SASH1: variants seen among roughly 807,000 people sequenced by gnomAD.
The protein encoded by SASH1 is SAM and SH3 domain-containing protein 1.
A neutral mutation model predicts 125.2 loss-of-function variants in SASH1; 44 were observed. That is an observed-to-expected ratio of 0.35 (90% CI 0.28 to 0.45). The LOEUF is 0.45. SASH1 is among the 20% of genes least tolerant of loss of function. The pLI is 1.00. For synonymous variants in SASH1, 639 were observed against 649.1 expected (o/e 0.98, Z 0.24); for missense variants, 1,426 against 1,614.5 (o/e 0.88, Z 2.00).
At chr6:148,323,088 C>T (rs570661324) in intron 1 of SASH1, among the ~76,000 whole-genome samples, 1 of 151,864 alleles carries the variant, frequency 6.6e-6, no homozygotes, top group African/African-American at 2.4e-5. Flanking sequence ...CAGCTCACTG[C>T]AACCTCTGCC....
chr6:148,532,684 G>A lies in SASH1; in HGVS notation c.1565-113G>A, dbSNP rs1781591919. ...GTCCTGACAGAGGGTTGTGGCTCAA[G>A]GCTTCCTTTCTCTGGGCCTTCATTT... is the stretch of plus-strand genomic sequence containing the variant. On this transcript the variant is annotated intron_variant, in intron 13 of 19. Transcript: ENST00000367467. The surrounding 1 kb of genome is among the most constrained non-coding windows in gnomAD (Gnocchi z 4.7). The A allele has an allele frequency of 7.8e-7, 1 of 1,282,430 alleles. No individual in the cohort carries two copies. Among genetic ancestry groups the A allele is most frequent in the African/African-American group, 1.5e-5 (1 of 68,618 alleles). 79.4% of individuals were successfully genotyped at this position (1,282,430 alleles called of 1,614,324 possible).
intron 1 of SASH1, among the ~76,000 whole-genome samples, chr6:148,322,900 C>CTT (rs1443698620): frequency 0.08 from 10,139 of 127,312 alleles, 878 homozygotes; most frequent in Admixed American, 0.097. Context: ...TTCTTTCTTT[C>CTT]TCTCTCTTTC....
chr6:148,377,169 CAAAAAA>C (rs59339599), intron 1 of SASH1, among the ~76,000 whole-genome samples: 2 of 94,216 alleles, frequency 2.1e-5, no homozygotes, highest in African/African-American at 4.3e-5. Context: ...GACTCCGTCT[CAAAAAA>C]AAAAAAAACA....
intron 1 of SASH1, among the ~76,000 whole-genome samples, chr6:148,323,667 G>A (rs903358779): frequency 2.0e-5 from 3 of 152,156 alleles, no homozygotes; most frequent in African/African-American, 7.2e-5. Context: ...ATAGCTGGGT[G>A]TTACAGAGAT....
At chr6:148,368,387 C>T (rs1013193518) in intron 1 of SASH1, among the ~76,000 whole-genome samples, 1 of 152,224 alleles carries the variant, frequency 6.6e-6, no homozygotes, top group Non-Finnish European at 1.5e-5. Context: ...TCTCCTGCCT[C>T]AGCCCCCTGA....
At chr6:148,409,401 A>T (rs560323529) in intron 2 of SASH1, among the ~76,000 whole-genome samples, 1 of 152,336 alleles carries the variant, frequency 6.6e-6, no homozygotes, top group African/African-American at 2.4e-5. Context: ...TCTCAAATTC[A>T]GTTTTGTTTT....
At chr6:148,347,787 C>G (rs1450087950) in intron 1 of SASH1, among the ~76,000 whole-genome samples, 1 of 152,028 alleles carries the variant, frequency 6.6e-6, no homozygotes, top group African/African-American at 2.4e-5. Context: ...AGCCTTGTGG[C>G]CTCTCTATGT....
chr6:148,336,245 G>A (rs905987068), intron 1 of SASH1, among the ~76,000 whole-genome samples: 3 of 131,832 alleles, frequency 2.3e-5, no homozygotes, highest in Non-Finnish European at 3.1e-5. Context: ...GCAAGATCTC[G>A]GCTCACTGCG....
At chr6:148,395,242 A>T (rs1042118096) in intron 2 of SASH1, among the ~76,000 whole-genome samples, 2 of 152,212 alleles carry the variant, frequency 1.3e-5, no homozygotes, top group Non-Finnish European at 2.9e-5. Flanking sequence ...CAGATAGGAT[A>T]CTTAGATATT....
At chr6:148,449,360 G>A (rs972832258) in intron 4 of SASH1, among the ~76,000 whole-genome samples, 3 of 149,220 alleles carry the variant, frequency 2.0e-5, no homozygotes, top group South Asian at 2.1e-4. Context: ...GTGAGTCACC[G>A]TACCTGGCTG....
intron 7 of SASH1, among the ~76,000 whole-genome samples, chr6:148,485,201 A>G (rs35573472): frequency 0.17 from 26,148 of 152,110 alleles, 2,683 homozygotes; most frequent in African/African-American, 0.29. Flanking sequence ...ACCTGAAGAC[A>G]TAATAATCTC....
the SASH1 span, among the ~76,000 whole-genome samples, chr6:148,209,247 A>G: frequency 6.6e-6 from 1 of 152,214 alleles, no homozygotes; most frequent in African/African-American, 2.4e-5. Context: ...CTATTCCGTA[A>G]TACACCTTCA....
the SASH1 span, among the ~76,000 whole-genome samples, chr6:148,212,960 T>C: frequency 6.6e-6 from 1 of 152,168 alleles, no homozygotes; most frequent in Admixed American, 6.5e-5. Flanking sequence ...GGGAGGGGAC[T>C]CAGGGACATC....
chr6:148,270,596 G>T (rs887597068), upstream of SASH1, among the ~76,000 whole-genome samples: 5 of 152,088 alleles, frequency 3.3e-5, no homozygotes, highest in Middle Eastern at 3.4e-3. Context: ...TGCTTTATCA[G>T]CCAGAATTGT....
chr6:148,525,895 GA>G (rs1008093141), intron 11 of SASH1, among the ~76,000 whole-genome samples: 4 of 152,064 alleles, frequency 2.6e-5, no homozygotes, highest in Non-Finnish European at 5.9e-5. Flanking sequence ...GACCAAAGCA[GA>G]CCAGATCCCT....
chr6:148,496,338 G>T (rs1393643186), intron 8 of SASH1, among the ~76,000 whole-genome samples: 1 of 152,110 alleles, frequency 6.6e-6, no homozygotes, highest in Non-Finnish European at 1.5e-5. Context: ...CTAGAAAATG[G>T]TTCTACTTAT....
the SASH1 span, among the ~76,000 whole-genome samples, chr6:148,218,033 A>G: frequency 6.6e-6 from 1 of 151,170 alleles, no homozygotes; most frequent in Non-Finnish European, 1.5e-5. Context: ...AAAAATAAAT[A>G]AAAAAAATGA....
chr6:148,254,494 AAAAAC>A, the SASH1 span, among the ~76,000 whole-genome samples: 2 of 152,224 alleles, frequency 1.3e-5, no homozygotes, highest in African/African-American at 4.8e-5. Context: ...CTCTATCATT[AAAAAC>A]AAAACAAAAC....
chr6:148,252,317 C>T, the SASH1 span, among the ~76,000 whole-genome samples: 1 of 152,056 alleles, frequency 6.6e-6, no homozygotes, highest in Non-Finnish European at 1.5e-5. Context: ...TAACCTATAA[C>T]AAGCGAATTC....
Sources: allele counts gnomAD v4.1 joint callset (sites outside exome capture counted in the v4.1 genomes callset), GRCh38; gene constraint gnomAD v4.1.1; non-coding constraint Gnocchi (gnomAD v3.1); transcripts MANE v1.5; gene names NCBI Gene and HGNC (gene_info 2026-07-23, HGNC 2026-07-21).